The following DCDC2 variants were observed in gnomAD, a reference collection of about 807,000 sequenced individuals.
DCDC2 encodes the protein doublecortin domain-containing protein 2.
In DCDC2, 40 loss-of-function variants were observed where a neutral mutation model predicts 50.2. That is an observed-to-expected ratio of 0.80 (90% CI 0.62 to 1.04). The LOEUF is 1.04. DCDC2 is among the 50% of genes least tolerant of loss of function. DCDC2 has a pLI of 0.00. For missense variants in DCDC2, 570 were observed against 581.9 expected, an observed-to-expected ratio of 0.98 and a Z score of 0.21; for synonymous variants, 234 against 210.6, an observed-to-expected ratio of 1.11 and a Z score of -0.96.
At chr6:24,319,894 C>A (rs766795674) in intron 2 of DCDC2, among the ~76,000 whole-genome samples, 1 of 151,982 alleles carries the variant, frequency 6.6e-6, no homozygotes, top group Non-Finnish European at 1.5e-5. Context: ...ACTTTTAGGA[C>A]CATGGCAAAT....
intron 2 of DCDC2, among the ~76,000 whole-genome samples, chr6:24,326,023 T>C (rs905881633): frequency 1.3e-5 from 2 of 148,996 alleles, no homozygotes; most frequent in African/African-American, 4.8e-5. Flanking sequence ...TCAACATATG[T>C]AGGAATGCAG....
intron 7 of DCDC2, among the ~76,000 whole-genome samples, chr6:24,234,526 T>TGCTG (rs1762403164): frequency 6.6e-6 from 1 of 152,092 alleles, no homozygotes; most frequent in South Asian, 2.1e-4. Flanking sequence ...AGGAGGTTAT[T>TGCTG]GCTGCCTGTG....
chr6:24,186,135 C>T (rs1025847208), intron 8 of DCDC2, among the ~76,000 whole-genome samples: 25 of 152,248 alleles, frequency 1.6e-4, no homozygotes, highest in African/African-American at 5.1e-4. Flanking sequence ...AGAAGTAATA[C>T]GAATGTACAA....
intron 2 of DCDC2, among the ~76,000 whole-genome samples, chr6:24,332,800 A>AAC (rs973240334): frequency 4.6e-5 from 7 of 151,996 alleles, no homozygotes; most frequent in South Asian, 2.1e-4. Context: ...TAAATACACA[A>AAC]ACACACACAC....
intron 2 of DCDC2, among the ~76,000 whole-genome samples, chr6:24,321,990 T>G (rs1375170349): frequency 6.6e-6 from 1 of 152,176 alleles, no homozygotes; most frequent in Non-Finnish European, 1.5e-5. Flanking sequence ...TCTAAAAGGG[T>G]AAGATTTCTT....
At chr6:24,251,934 C>T (rs1264853823) in intron 7 of DCDC2, among the ~76,000 whole-genome samples, 4 of 152,164 alleles carry the variant, frequency 2.6e-5, no homozygotes, top group East Asian at 1.9e-4. Context: ...ATCTCCAATG[C>T]CTTGCCTCTG....
intron 7 of DCDC2, among the ~76,000 whole-genome samples, chr6:24,241,593 G>GA (rs1215579082): frequency 2.6e-5 from 4 of 152,050 alleles, no homozygotes; most frequent in African/African-American, 7.2e-5. Context: ...ACTCTAGGTT[G>GA]AAAAAAACCA....
At chr6:24,302,652 T>C (rs189127591) in intron 2 of DCDC2, among the ~76,000 whole-genome samples, 116 of 152,176 alleles carry the variant, frequency 7.6e-4, no homozygotes, top group African/African-American at 2.7e-3. Flanking sequence ...TTTGCCTCTC[T>C]TTTTGCTTCC....
intron 7 of DCDC2, among the ~76,000 whole-genome samples, chr6:24,223,821 A>T (rs1318658815): frequency 1.3e-5 from 2 of 152,280 alleles, no homozygotes; most frequent in Non-Finnish European, 1.5e-5. Flanking sequence ...CTTACAAAGA[A>T]AAGTACAATT....
chr6:24,174,973 G>A, intron 9 of DCDC2, 139 bp from the exon 10 acceptor site: 1 of 476,266 alleles, frequency 2.1e-6, no homozygotes, highest in Non-Finnish European at 3.5e-6. Flanking sequence ...GGTTCCCTTT[G>A]TTTTTTTGTC....
At chr6:24,176,486 T>A (rs928487935) in intron 9 of DCDC2, among the ~76,000 whole-genome samples, 1 of 151,778 alleles carries the variant, frequency 6.6e-6, no homozygotes, top group South Asian at 2.1e-4. Flanking sequence ...TAAAAAAATA[T>A]TCATTTGTCA....
intron 2 of DCDC2, among the ~76,000 whole-genome samples, chr6:24,321,058 C>T (rs72833009): frequency 0.03 from 4,516 of 150,520 alleles, 83 homozygotes; most frequent in South Asian, 0.057. Flanking sequence ...AGCAACAAAA[C>T]GAATGATATT....
chr6:24,332,812 CAT>C (rs929190560), intron 2 of DCDC2, among the ~76,000 whole-genome samples: 3 of 152,146 alleles, frequency 2.0e-5, no homozygotes, highest in Non-Finnish European at 4.4e-5. Flanking sequence ...CACACACACA[CAT>C]ATTTCTGTGC....
At chr6:24,182,191 C>A (rs1761088917) in intron 8 of DCDC2, among the ~76,000 whole-genome samples, 1 of 152,078 alleles carries the variant, frequency 6.6e-6, no homozygotes, top group Admixed American at 6.5e-5. Flanking sequence ...AAATGTAAAA[C>A]CTAAAACTAT....
chr6:24,340,679 T>C (rs1253969058), intron 2 of DCDC2, among the ~76,000 whole-genome samples: 1 of 152,180 alleles, frequency 6.6e-6, no homozygotes, highest in Non-Finnish European at 1.5e-5. Flanking sequence ...TAGAATATAA[T>C]TAACAAAATG....
chr6:24,356,161 A>C (rs1258279405), intron 1 of DCDC2, among the ~76,000 whole-genome samples: 2 of 152,234 alleles, frequency 1.3e-5, no homozygotes, highest in East Asian at 3.8e-4. Flanking sequence ...ATATACATCA[A>C]ACTGATAAAT....
At chr6:24,348,623 T>A (rs1760309701) in intron 2 of DCDC2, among the ~76,000 whole-genome samples, 1 of 152,224 alleles carries the variant, frequency 6.6e-6, no homozygotes, top group Admixed American at 6.5e-5. Context: ...TATTAAATAA[T>A]ACCCTCTTAA....
intron 8 of DCDC2, among the ~76,000 whole-genome samples, chr6:24,185,733 A>G (rs1186049292): frequency 6.6e-6 from 1 of 151,580 alleles, no homozygotes; most frequent in Non-Finnish European, 1.5e-5. Flanking sequence ...ACACATATAC[A>G]CACAGATAAA....
At chr6:24,209,739 A>C (rs1761814383) in intron 7 of DCDC2, among the ~76,000 whole-genome samples, 1 of 152,144 alleles carries the variant, frequency 6.6e-6, no homozygotes, top group Non-Finnish European at 1.5e-5. Flanking sequence ...ATGCCTGTGT[A>C]TCATATAAAA....
Sources: allele counts gnomAD v4.1 joint callset (sites outside exome capture counted in the v4.1 genomes callset), GRCh38; gene constraint gnomAD v4.1.1; transcripts MANE v1.5; gene names NCBI Gene and HGNC (gene_info 2026-07-23, HGNC 2026-07-21).